EPM2A: variants seen among roughly 807,000 people sequenced by gnomAD.
The protein encoded by EPM2A is EPM2A glucan phosphatase, laforin.
Under a neutral mutation model 26.5 loss-of-function variants are expected in EPM2A, and 21 were observed. That is an observed-to-expected ratio of 0.79 (90% CI 0.56 to 1.14). The LOEUF (loss-of-function observed/expected upper bound fraction) is 1.14, where lower values mean the gene tolerates loss of function less well. Ranked by LOEUF, EPM2A falls within the 50% of genes most tolerant of loss-of-function variation. The probability of loss-of-function intolerance (pLI) is 0.00; values close to 1 mark genes in which losing one functional copy is unlikely to be tolerated. For synonymous variants in EPM2A, 217 were observed against 177.6 expected (o/e 1.22, Z -1.76); for missense variants, 458 against 440.8 (o/e 1.04, Z -0.35).
chr6:145,677,867 A>G (rs565446146), intron 2 of EPM2A, among the ~76,000 whole-genome samples: 1 of 152,354 alleles, frequency 6.6e-6, no homozygotes, highest in Non-Finnish European at 1.5e-5. Context: ...GGTAATTTAT[A>G]GATTAAATGC....
At chr6:145,602,233 T>C (rs932866656) in intron 2 of EPM2A, among the ~76,000 whole-genome samples, 1 of 152,228 alleles carries the variant, frequency 6.6e-6, no homozygotes, top group Non-Finnish European at 1.5e-5. Flanking sequence ...AGGTCAACTT[T>C]ATTAATATTT....
chr6:145,590,572 G>T (rs1781259685), intron 2 of EPM2A, among the ~76,000 whole-genome samples: 1 of 152,034 alleles, frequency 6.6e-6, no homozygotes, highest in African/African-American at 2.4e-5. Flanking sequence ...CATCTACAGG[G>T]TCCCTATATA....
chr6:145,490,854 T>C, intron 4 of EPM2A: 1 of 656,962 alleles, frequency 1.5e-6, no homozygotes, highest in Non-Finnish European at 2.8e-6. Context: ...ATCTGCCCTT[T>C]TCTGTCACTT....
At chr6:145,523,756 T>G (rs1451356668) in intron 2 of EPM2A, among the ~76,000 whole-genome samples, 1 of 152,162 alleles carries the variant, frequency 6.6e-6, no homozygotes, top group African/African-American at 2.4e-5. Context: ...GAGTCCCATG[T>G]CCCTCACCTT....
chr6:145,702,338 G>A (rs1236648571), intron 1 of EPM2A, among the ~76,000 whole-genome samples: 2 of 152,152 alleles, frequency 1.3e-5, no homozygotes, highest in South Asian at 2.1e-4. Context: ...TTGAAAGACA[G>A]TATTTTATAG....
chr6:145,613,419 T>G (rs1034079872), intron 2 of EPM2A, among the ~76,000 whole-genome samples: 1 of 152,190 alleles, frequency 6.6e-6, no homozygotes, highest in Non-Finnish European at 1.5e-5. Context: ...TGCTGACATT[T>G]TTACCTCCAC....
intron 2 of EPM2A, among the ~76,000 whole-genome samples, chr6:145,662,689 A>G (rs915151777): frequency 2.0e-5 from 3 of 152,172 alleles, no homozygotes; most frequent in Non-Finnish European, 4.4e-5. Flanking sequence ...GGCTAAACCT[A>G]TCCACAGGAT....
At chr6:145,702,818 C>A (rs977817692) in intron 1 of EPM2A, among the ~76,000 whole-genome samples, 3 of 152,220 alleles carry the variant, frequency 2.0e-5, no homozygotes, top group Non-Finnish European at 4.4e-5. Flanking sequence ...ACATAGTTTA[C>A]AATTTCTGCC....
chr6:145,604,191 G>A (rs1019545948), intron 2 of EPM2A, among the ~76,000 whole-genome samples: 4 of 151,988 alleles, frequency 2.6e-5, no homozygotes, highest in Non-Finnish European at 5.9e-5. Flanking sequence ...GGGACCATGT[G>A]GAAAAATTCC....
downstream of EPM2A, among the ~76,000 whole-genome samples, chr6:145,622,270 C>G (rs1377848432): frequency 6.6e-6 from 1 of 152,162 alleles, no homozygotes; most frequent in Non-Finnish European, 1.5e-5. Flanking sequence ...TTCAATAGTT[C>G]TCTTTTACAA....
intron 4 of EPM2A, chr6:145,463,109 C>T (rs1447189376): frequency 6.6e-6 from 1 of 152,158 alleles, no homozygotes; most frequent in Non-Finnish European, 1.5e-5. Flanking sequence ...TCACTCCCCT[C>T]TTCACAGGTA....
intron 2 of EPM2A, among the ~76,000 whole-genome samples, chr6:145,642,768 C>A (rs1368709227): frequency 6.6e-6 from 1 of 152,058 alleles, no homozygotes; most frequent in Non-Finnish European, 1.5e-5. Flanking sequence ...ACTTTAGGAA[C>A]TGTGAGAAAC....
intron 4 of EPM2A, among the ~76,000 whole-genome samples, chr6:145,405,187 T>A (rs1470918577): frequency 2.0e-5 from 3 of 152,192 alleles, no homozygotes; most frequent in African/African-American, 4.8e-5. Flanking sequence ...ATGTTGGACT[T>A]GAATTTGCAC....
At chr6:145,579,772 C>A (rs1781087649) in intron 2 of EPM2A, among the ~76,000 whole-genome samples, 1 of 151,922 alleles carries the variant, frequency 6.6e-6, no homozygotes, top group African/African-American at 2.4e-5. Context: ...TCCTCTTATA[C>A]CTCTTCTTTT....
At chr6:145,731,418 G>A (rs1371014680) in intron 1 of EPM2A, among the ~76,000 whole-genome samples, 1 of 152,176 alleles carries the variant, frequency 6.6e-6, no homozygotes, top group Admixed American at 6.5e-5. Context: ...AAGCCATCCT[G>A]AAAAAACAAT....
intron 2 of EPM2A, among the ~76,000 whole-genome samples, chr6:145,642,147 G>C (rs1241440876): frequency 1.3e-5 from 2 of 152,176 alleles, no homozygotes; most frequent in Non-Finnish European, 2.9e-5. Flanking sequence ...GCAGCACAAA[G>C]ATTGAGGCAA....
intron 4 of EPM2A, chr6:145,490,203 G>A (rs1321335691): frequency 1.9e-6 from 2 of 1,065,512 alleles, no homozygotes; most frequent in Admixed American, 2.3e-5. Flanking sequence ...TCACTGAGAT[G>A]CCTCATTAAT....
At chr6:145,680,781 C>A (rs1466134774) in intron 2 of EPM2A, among the ~76,000 whole-genome samples, 17 of 152,022 alleles carry the variant, frequency 1.1e-4, no homozygotes, top group Admixed American at 1.1e-3. Context: ...TTTCTTAATC[C>A]AGTCTATCAT....
intron 4 of EPM2A, among the ~76,000 whole-genome samples, chr6:145,440,226 G>A (rs1779044636): frequency 6.6e-6 from 1 of 152,198 alleles, no homozygotes; most frequent in Non-Finnish European, 1.5e-5. Context: ...CAGGAGAAGA[G>A]AGAGAGCCAA....
Sources: gnomAD v4.1 joint callset for allele counts (sites outside exome capture counted in the v4.1 genomes callset) on GRCh38, gnomAD v4.1.1 for gene constraint, MANE v1.5 for transcripts, NCBI Gene and HGNC (gene_info 2026-07-23, HGNC 2026-07-21) for gene names.